Variants in KIAA0930 observed in about 807,000 individuals in gnomAD.
KIAA0930 encodes uncharacterized protein KIAA0930.
Under a neutral mutation model 43.9 loss-of-function variants are expected in KIAA0930, and 24 were observed. That is an observed-to-expected ratio of 0.55 (90% CI 0.40 to 0.77). The LOEUF (loss-of-function observed/expected upper bound fraction) is 0.77. Ranked by LOEUF, KIAA0930 falls within the 30% of genes least tolerant of loss-of-function variation. The pLI is 0.00. For missense variants in KIAA0930, 461 were observed against 574.2 expected (o/e 0.80, Z 2.02); for synonymous variants, 259 against 216.4 (o/e 1.20, Z -1.73).
intron 1 of KIAA0930, chr22:45,213,349 GCTCT>G (rs1325170370): frequency 7.7e-7 from 1 of 1,303,578 alleles, no homozygotes; most frequent in Non-Finnish European, 1.0e-6. Flanking sequence ...TGGCTCCTGG[GCTCT>G]AGGGCAGTGA....
At chr22:45,203,746 A>C in intron 6 of KIAA0930, 99 bp downstream of exon 6, 1 of 1,402,584 alleles carries the variant, frequency 7.1e-7, no homozygotes, top group Non-Finnish European at 9.7e-7. Context: ...GCTACCATGC[A>C]CAAGCAGGCT....
At chr22:45,226,402 CA>C (rs1448377601) in intron 1 of KIAA0930, 1 of 457,968 alleles carries the variant, frequency 2.2e-6, no homozygotes, top group African/African-American at 2.0e-5. Context: ...CAAAGGGGAA[CA>C]AACCCTGACC....
intron 8 of KIAA0930, among the ~76,000 whole-genome samples, chr22:45,198,203 C>T (rs1189729480): frequency 1.3e-5 from 2 of 152,196 alleles, no homozygotes; most frequent in Non-Finnish European, 2.9e-5. Flanking sequence ...TCTCTCTCTT[C>T]TCTGTCACAA....
At chr22:45,201,685 T>C (rs1313273581) in intron 7 of KIAA0930, among the ~76,000 whole-genome samples, 1 of 152,120 alleles carries the variant, frequency 6.6e-6, no homozygotes, top group African/African-American at 2.4e-5. Context: ...TCACCCATCT[T>C]TGCAAAAAAT....
intron 1 of KIAA0930, among the ~76,000 whole-genome samples, chr22:45,237,796 G>A (rs552609246): frequency 2.0e-5 from 3 of 152,284 alleles, no homozygotes; most frequent in East Asian, 1.9e-4. Context: ...AAGTGCTCCG[G>A]GGCTGGTGTT....
chr22:45,202,729 C>T (rs2083599876), intron 7 of KIAA0930: 1 of 413,802 alleles, frequency 2.4e-6, no homozygotes, highest in Non-Finnish European at 4.3e-6. Context: ...CCAGCACCAG[C>T]CTGCGGTGTG....
intron 1 of KIAA0930, among the ~76,000 whole-genome samples, chr22:45,231,427 G>C (rs1321077866): frequency 6.8e-6 from 1 of 147,168 alleles, no homozygotes; most frequent in Non-Finnish European, 1.5e-5. Context: ...AGTGGGGCCT[G>C]AAGATCCGAG....
In KIAA0930 at chr22:45,203,816, G is replaced by T. The variant is rs746036140; in HGVS notation, c.657+29C>A. On this transcript the variant is annotated intron_variant, in intron 6 of 9. Transcript: ENST00000336156. ...GGAGCCGCCGTCCCCGGGCCCAGAAGAACACCCGTGAGGCCGCCCCGCACT... is the reference window on the plus strand; with the variant it reads ...GGAGCCGCCGTCCCCGGGCCCAGAATAACACCCGTGAGGCCGCCCCGCACT... 1.1e-5 allele frequency: 17 copies of T among 1,610,290 alleles called. No individual in the cohort carries two copies. In the South Asian group the frequency reaches 1.4e-4, roughly 14 times the overall value.
chr22:45,238,078 G>A (rs748793261), intron 1 of KIAA0930, among the ~76,000 whole-genome samples: 16 of 151,754 alleles, frequency 1.1e-4, no homozygotes, highest in African/African-American at 3.6e-4. Flanking sequence ...CCGCCACCAC[G>A]CCTGGCTAAT....
In KIAA0930 at chr22:45,205,650, T is replaced by C; in HGVS notation, c.394A>G (p.Ile132Val). 4 of 1,614,016 alleles carry C rather than the reference T, an allele frequency of 2.5e-6. No individual in the cohort carries two copies. The highest frequency in any genetic ancestry group is 3.4e-6 in the Non-Finnish European group (4 of 1,180,018). ...CTCACCTGAGATTTCTTCTTATGGA[T>C]GTGAATGTCCCCGCCGTCAGCACGT... ...CTRADGGDIH[I>V]HKKKSQQVFA... The change falls in exon 4 of 10, where the codon ATC becomes GTC. Residue 132 changes from isoleucine (I) to valine (V), a missense_variant. Physicochemically the swap from Ile to Val is conservative, Grantham distance 29. Transcript: ENST00000336156.
At chr22:45,228,052 C>A (rs1309787414) in intron 1 of KIAA0930, among the ~76,000 whole-genome samples, 2 of 152,178 alleles carry the variant, frequency 1.3e-5, no homozygotes, top group Non-Finnish European at 2.9e-5. Flanking sequence ...CAGGAGGGAC[C>A]TGCAGATAGA....
intron 1 of KIAA0930, among the ~76,000 whole-genome samples, chr22:45,232,459 G>A (rs1441574525): frequency 6.6e-6 from 1 of 152,170 alleles, no homozygotes; most frequent in Non-Finnish European, 1.5e-5. Context: ...GCACCACGGG[G>A]CAAGAGGCAG....
At chr22:45,238,477 T>C (rs770861302) in intron 1 of KIAA0930, among the ~76,000 whole-genome samples, 2 of 152,064 alleles carry the variant, frequency 1.3e-5, no homozygotes, top group Non-Finnish European at 2.9e-5. Context: ...CCAACAAACA[T>C]GTGCCTGGCA....
chr22:45,209,422 C>T (rs1381607814), intron 2 of KIAA0930, among the ~76,000 whole-genome samples: 1 of 152,178 alleles, frequency 6.6e-6, no homozygotes, highest in Non-Finnish European at 1.5e-5. Flanking sequence ...CAAGTTGGGG[C>T]AGCCCCAGGA....
rs773882579 is a variant in KIAA0930 at position 45,193,870 on chromosome 22, A to G, written c.*3306T>C. 4 of 152,062 alleles carry G rather than the reference A, an allele frequency of 2.6e-5. No individual in the cohort carries two copies. Among genetic ancestry groups the G allele is most frequent in the Non-Finnish European group, 5.9e-5 (4 of 68,022 alleles). The allele number at this position is 152,062 out of a possible 1,614,324, so 9.4% of individuals were successfully genotyped here. A position where few individuals can be genotyped will look rare whatever the true frequency, so the allele number is the denominator to read the frequency against. On this transcript the variant is annotated 3_prime_UTR_variant, in exon 10 of 10. Coordinates refer to ENST00000336156, the MANE Select transcript of KIAA0930 (RefSeq NM_001009880.2). ...GAAAGGGTATAAACGGAGACCACCT[A>G]TCACTCATCAGAACCTAGGATCATC...
At chr22:45,222,818 T>C (rs2083775629) in intron 1 of KIAA0930, among the ~76,000 whole-genome samples, 2 of 151,970 alleles carry the variant, frequency 1.3e-5, no homozygotes, top group Non-Finnish European at 1.5e-5. Flanking sequence ...TATAAGTGGT[T>C]TTAGAACACA....
At chr22:45,201,289 C>A (rs2083586771) in intron 7 of KIAA0930, among the ~76,000 whole-genome samples, 1 of 152,204 alleles carries the variant, frequency 6.6e-6, no homozygotes, top group African/African-American at 2.4e-5. Flanking sequence ...AGGCGGCAGT[C>A]CCCAGGGGCC....
intron 1 of KIAA0930, among the ~76,000 whole-genome samples, chr22:45,239,246 C>G (rs1049019208): frequency 1.3e-5 from 2 of 152,240 alleles, no homozygotes; most frequent in Non-Finnish European, 2.9e-5. Flanking sequence ...CATCCCAGCT[C>G]AGATATTCGG....
intron 7 of KIAA0930, chr22:45,202,438 G>A (rs1205888921): frequency 6.5e-6 from 1 of 152,986 alleles, no homozygotes; most frequent in Admixed American, 6.5e-5. Flanking sequence ...GTTTCCGGCT[G>A]TGCGAGGCAG....
Sources: allele counts gnomAD v4.1 joint callset (sites outside exome capture counted in the v4.1 genomes callset), GRCh38; gene constraint gnomAD v4.1.1; transcripts MANE v1.5; gene names NCBI Gene and HGNC (gene_info 2026-07-23, HGNC 2026-07-21).